Variants in PDE1C observed in about 807,000 individuals in gnomAD.
PDE1C encodes dual specificity calcium/calmodulin-dependent 3',5'-cyclic nucleotide phosphodiesterase 1C.
PDE1C carries 62 observed loss-of-function variants against 93.1 expected under a neutral mutation model. That is an observed-to-expected ratio of 0.67 (90% CI 0.54 to 0.82). The LOEUF is 0.82. Ranked by LOEUF, PDE1C falls within the 40% of genes least tolerant of loss-of-function variation. The pLI is 0.00. For missense variants in PDE1C, 742 were observed against 884.6 expected (o/e 0.84, Z 2.04); for synonymous variants, 325 against 310.1 (o/e 1.05, Z -0.50).
chr7:32,299,167 G>C, exon 1 of PDE1C: 1 of 999,086 alleles, frequency 1.0e-6, no homozygotes, highest in Non-Finnish European at 1.2e-6. Context: ...CTGGTGGCTG[G>C]GGGGATTTGG....
intron 3 of PDE1C, among the ~76,000 whole-genome samples, chr7:32,095,147 A>G (rs190669259): frequency 5.8e-4 from 89 of 152,336 alleles, no homozygotes; most frequent in Non-Finnish European, 9.1e-4. Flanking sequence ...TTTATAATAA[A>G]TGCTTGCTGA....
chr7:32,031,533 C>G (rs30568), intron 2 of PDE1C, among the ~76,000 whole-genome samples: 130,233 of 152,134 alleles, frequency 0.86, 55,946 homozygotes, highest in African/African-American at 0.91. Flanking sequence ...GAAGTGTTAA[C>G]AGCCAGTTCC....
At chr7:32,393,493 T>G (rs1448435514) in intron 1 of PDE1C, among the ~76,000 whole-genome samples, 1 of 152,156 alleles carries the variant, frequency 6.6e-6, no homozygotes, top group African/African-American at 2.4e-5. Flanking sequence ...ATTTAATTAT[T>G]TTTATATTTA....
At chr7:32,248,781 A>G (rs1415489843) in intron 1 of PDE1C, among the ~76,000 whole-genome samples, 1 of 152,236 alleles carries the variant, frequency 6.6e-6, no homozygotes, top group Non-Finnish European at 1.5e-5. Context: ...GATGAGGAAA[A>G]ATGTCAGCAA....
intron 1 of PDE1C, among the ~76,000 whole-genome samples, chr7:32,321,818 C>T (rs992572867): frequency 3.9e-5 from 6 of 152,148 alleles, no homozygotes; most frequent in Non-Finnish European, 7.4e-5. Flanking sequence ...TTCTACAAAC[C>T]CTAGAAGTTC....
chr7:31,864,370 T>G (rs909818696), intron 7 of PDE1C, among the ~76,000 whole-genome samples: 3 of 152,078 alleles, frequency 2.0e-5, no homozygotes, highest in African/African-American at 7.2e-5. Context: ...AAAAAAAATT[T>G]TTAAAGCAAA....
chr7:31,744,902 G>T, the PDE1C span, among the ~76,000 whole-genome samples: 5 of 152,148 alleles, frequency 3.3e-5, no homozygotes, highest in African/African-American at 1.2e-4. Flanking sequence ...GGCTCTAAGG[G>T]CTGGAGCTGT....
chr7:31,962,493 C>A lies in PDE1C; in HGVS notation c.129-81633G>T, dbSNP rs139532976. 2.1e-3 allele frequency among the ~76,000 whole-genome samples: 327 copies of A among 152,286 alleles called. 2 individuals are homozygous for A. The highest frequency in any genetic ancestry group is 7.2e-3 in the African/African-American group (300 of 41,560). On this transcript the variant is annotated intron_variant, in intron 2 of 17. Coordinates refer to ENST00000396191, the MANE Select transcript of PDE1C (RefSeq NM_001191057.4). Reference sequence around the variant, plus strand: ...ATTTCTGCTTCAACTGCTATCCCTACAGGCCTAGAAAAATGGAAGGACTGG... The same window carrying A: ...ATTTCTGCTTCAACTGCTATCCCTAAAGGCCTAGAAAAATGGAAGGACTGG...
At chr7:31,818,455 T>C (rs1474935152) in intron 14 of PDE1C, among the ~76,000 whole-genome samples, 1 of 152,158 alleles carries the variant, frequency 6.6e-6, no homozygotes, top group Non-Finnish European at 1.5e-5. Flanking sequence ...GCCTGGTGCG[T>C]AGCACACACT....
At chr7:31,651,741 G>A in the PDE1C span, among the ~76,000 whole-genome samples, 2 of 150,748 alleles carry the variant, frequency 1.3e-5, no homozygotes, top group South Asian at 2.1e-4. Flanking sequence ...TAAAATAGGG[G>A]AACTATATTA....
intron 1 of PDE1C, among the ~76,000 whole-genome samples, chr7:32,282,873 C>T (rs1020511764): frequency 1.3e-5 from 2 of 152,156 alleles, no homozygotes; most frequent in African/African-American, 4.8e-5. Context: ...AGCCACTGTG[C>T]CCGGCCTATA....
At chr7:32,050,936 T>G (rs1397438279) in intron 2 of PDE1C, among the ~76,000 whole-genome samples, 4 of 152,204 alleles carry the variant, frequency 2.6e-5, no homozygotes, top group Non-Finnish European at 5.9e-5. Context: ...AGTCCAACAT[T>G]TAATAGCCAC....
intron 8 of PDE1C, among the ~76,000 whole-genome samples, chr7:31,848,588 C>T (rs568360728): frequency 2.0e-5 from 3 of 152,238 alleles, no homozygotes; most frequent in African/African-American, 4.8e-5. Context: ...GCAAAAGCCA[C>T]ATGTGGAAAA....
intron 1 of PDE1C, among the ~76,000 whole-genome samples, chr7:32,376,757 G>A (rs1026606920): frequency 6.6e-6 from 1 of 151,956 alleles, no homozygotes; most frequent in African/African-American, 2.4e-5. Context: ...GCGCCATCTC[G>A]GCTCACTGCA....
intron 1 of PDE1C, among the ~76,000 whole-genome samples, chr7:32,370,329 G>T (rs984782991): frequency 6.6e-5 from 10 of 151,720 alleles, no homozygotes; most frequent in Non-Finnish European, 1.0e-4. Context: ...GGCGTCTGTA[G>T]TCCCAGTTAC....
chr7:31,718,402 A>G, the PDE1C span, among the ~76,000 whole-genome samples: 2 of 152,158 alleles, frequency 1.3e-5, no homozygotes, highest in East Asian at 3.9e-4. Context: ...GAAGACAAGA[A>G]TGGAAACCAC....
intron 3 of PDE1C, among the ~76,000 whole-genome samples, chr7:32,130,706 C>A (rs1799868195): frequency 6.6e-6 from 1 of 152,092 alleles, no homozygotes; most frequent in Non-Finnish European, 1.5e-5. Context: ...CCACACGCCT[C>A]TCCTTTGCTT....
intron 1 of PDE1C, among the ~76,000 whole-genome samples, chr7:32,336,577 G>A (rs1326193352): frequency 6.6e-6 from 1 of 152,116 alleles, no homozygotes; most frequent in African/African-American, 2.4e-5. Flanking sequence ...ACTGAACTTA[G>A]GTTGATGTGT....
intron 1 of PDE1C, among the ~76,000 whole-genome samples, chr7:32,370,246 G>A (rs183888761): frequency 0.013 from 1,914 of 152,134 alleles, 33 homozygotes; most frequent in African/African-American, 0.043. Flanking sequence ...TCAGGAGATC[G>A]AGACCATCCT....
Sources: gnomAD v4.1 joint callset for allele counts (sites outside exome capture counted in the v4.1 genomes callset) on GRCh38, gnomAD v4.1.1 for gene constraint, MANE v1.5 for transcripts, NCBI Gene and HGNC (gene_info 2026-07-23, HGNC 2026-07-21) for gene names.